The following SLC9C2 variants were observed in gnomAD, a reference collection of about 807,000 sequenced individuals.
SLC9C2 encodes the protein solute carrier family 9 member C2 (putative).
A neutral mutation model predicts 140.2 loss-of-function variants in SLC9C2; 75 were observed. The ratio of observed to expected loss-of-function variants is 0.53; its 90% CI spans 0.44 to 0.65. The LOEUF (loss-of-function observed/expected upper bound fraction) is 0.65, where lower values mean the gene tolerates loss of function less well. Among genes scored for constraint, SLC9C2 ranks in the 30% least tolerant of loss-of-function variants. The probability of loss-of-function intolerance (pLI) is 0.00; values close to 1 mark genes in which losing one functional copy is unlikely to be tolerated. For synonymous variants in SLC9C2, 375 were observed against 420.9 expected, an observed-to-expected ratio of 0.89 and a Z score of 1.34; for missense variants, 1,074 against 1,331.8, an observed-to-expected ratio of 0.81 and a Z score of 3.01.
At chr1:173,540,860 G>T (rs1374000843) in intron 13 of SLC9C2, among the ~76,000 whole-genome samples, 3 of 152,070 alleles carry the variant, frequency 2.0e-5, no homozygotes, top group Non-Finnish European at 4.4e-5. Context: ...CTCGTCTATG[G>T]TTTCTACAGC....
At chr1:173,553,498 C>G (rs1663462661) in intron 11 of SLC9C2, among the ~76,000 whole-genome samples, 1 of 152,238 alleles carries the variant, frequency 6.6e-6, no homozygotes, top group African/African-American at 2.4e-5. Context: ...GCTGCCCAAT[C>G]TTCAGCAACC....
rs1665687761 is a variant in SLC9C2, at chr1:173,583,681, C to T, written c.524-59G>A. 3.4e-6 allele frequency: 3 copies of T among 880,686 alleles called. No homozygotes were observed. In the South Asian group the frequency reaches 6.4e-5, roughly 19 times the overall value. 54.6% of individuals were successfully genotyped at this position (880,686 alleles called of 1,614,324 possible). Reference sequence around the variant, plus strand: ...GCTACATGAAAATAATGTTCTTGCACAGGAAGCAGAAACAGAAGAGAAAGA... The same window carrying T: ...GCTACATGAAAATAATGTTCTTGCATAGGAAGCAGAAACAGAAGAGAAAGA... On this transcript the variant is annotated intron_variant, in intron 5 of 27. Coordinates refer to ENST00000367714, the MANE Select transcript of SLC9C2 (RefSeq NM_178527.4).
rs746508132 is a variant in SLC9C2, at chr1:173,533,704, A to G, written c.2068T>C (p.Tyr690His). 6.2e-7 allele frequency: 1 copy of G among 1,611,334 alleles called. No individual in the cohort carries two copies. The highest frequency in any genetic ancestry group is 1.1e-5 in the South Asian group (1 of 91,004). ...VIGIIDIFCV[Y>H]FVKLRPDNLA... ...TTGTCTGGTCTCAATTTCACAAAGTATACACAAAAGATATCAATGATTCCA... is the reference window on the plus strand; with the variant it reads ...TTGTCTGGTCTCAATTTCACAAAGTGTACACAAAAGATATCAATGATTCCA... The change falls in exon 17 of 28, where the codon TAC becomes CAC. Residue 690 changes from tyrosine to histidine, a missense_variant. Coordinates refer to ENST00000367714, the MANE Select transcript of SLC9C2 (RefSeq NM_178527.4).
At position 173,500,484 on chromosome 1, in the gene SLC9C2, C is replaced by G. The variant is rs1413208193; in HGVS notation, c.*610G>C. On this transcript the variant is annotated 3_prime_UTR_variant, in exon 28 of 28. Coordinates refer to ENST00000367714, the MANE Select transcript of SLC9C2 (RefSeq NM_178527.4). ...ATAAATAGACAACCATAAAACTCAACTTTATTTGATTTTTAAAAATAAAAT... is the reference window on the plus strand; with the variant it reads ...ATAAATAGACAACCATAAAACTCAAGTTTATTTGATTTTTAAAAATAAAAT... 1 of 152,148 alleles carries G rather than the reference C, an allele frequency of 6.6e-6. No individual in the cohort carries two copies. Among genetic ancestry groups the G allele is most frequent in the East Asian group, 1.9e-4 (1 of 5,200 alleles). 9.4% of individuals were successfully genotyped at this position (152,148 alleles called of 1,614,324 possible).
intron 13 of SLC9C2, 25 bp from the exon 14 acceptor site, chr1:173,537,064 AC>A (rs1271800332): frequency 6.4e-7 from 1 of 1,557,320 alleles, no homozygotes; most frequent in Admixed American, 1.7e-5. Context: ...AATGAAGATT[AC>A]AAAAGATCAA....
intron 26 of SLC9C2, among the ~76,000 whole-genome samples, chr1:173,504,041 A>T (rs982312899): frequency 1.3e-5 from 2 of 152,206 alleles, no homozygotes; most frequent in African/African-American, 4.8e-5. Context: ...GGCTGACGCT[A>T]GACCCTGAGT....
chr1:173,544,002 A>G (rs2102039356), intron 13 of SLC9C2, among the ~76,000 whole-genome samples: 1 of 152,366 alleles, frequency 6.6e-6, no homozygotes, highest in South Asian at 2.1e-4. Context: ...CAAAATTGAC[A>G]AATGGGATCT....
chr1:173,570,902 G>A (rs1664801964), intron 9 of SLC9C2, among the ~76,000 whole-genome samples: 1 of 151,620 alleles, frequency 6.6e-6, no homozygotes, highest in African/African-American at 2.4e-5. Context: ...CTGCTTTGTG[G>A]TGGGGAGGAC....
At chr1:173,567,206 G>A (rs1386298348) in intron 9 of SLC9C2, among the ~76,000 whole-genome samples, 4 of 152,086 alleles carry the variant, frequency 2.6e-5, no homozygotes, top group Non-Finnish European at 5.9e-5. Flanking sequence ...TGCAAATTAA[G>A]TCCAATGTTT....
intron 3 of SLC9C2, 149 bp from the exon 4 acceptor site, chr1:173,598,181 G>A (rs1362435990): frequency 3.8e-6 from 3 of 790,130 alleles, no homozygotes; most frequent in Non-Finnish European, 5.7e-6. Context: ...TAAGGGTCCT[G>A]TGGTAGATTT....
chr1:173,550,075 T>C (rs1323419932), intron 11 of SLC9C2, among the ~76,000 whole-genome samples: 1 of 152,206 alleles, frequency 6.6e-6, no homozygotes. Context: ...TGTGAGCTTT[T>C]GCCAATCCAA....
rs531746332 is a variant in SLC9C2, at chr1:173,535,615, G to A, written c.1775+215C>T. ...ATTAAAACTTGAAGGATCCAAATATGAACATCCTTTTTCCCTTCCTGACTA... is the reference window on the plus strand; with the variant it reads ...ATTAAAACTTGAAGGATCCAAATATAAACATCCTTTTTCCCTTCCTGACTA... On this transcript the variant is annotated intron_variant, in intron 15 of 27. Coordinates refer to ENST00000367714, the MANE Select transcript of SLC9C2 (RefSeq NM_178527.4). Among the ~76,000 whole-genome samples, 510 of 152,214 alleles carry A rather than the reference G, an allele frequency of 3.4e-3. 1 individual carries two copies. Among genetic ancestry groups the A allele is most frequent in the Non-Finnish European group, 5.2e-3 (357 of 68,016 alleles).
intron 7 of SLC9C2, among the ~76,000 whole-genome samples, chr1:173,578,930 G>A (rs1665350521): frequency 6.6e-6 from 1 of 152,218 alleles, no homozygotes; most frequent in Non-Finnish European, 1.5e-5. Context: ...CTGGAATGTA[G>A]GACTTCAACG....
chr1:173,539,646 T>G (rs301696), intron 13 of SLC9C2, among the ~76,000 whole-genome samples: 2 of 151,994 alleles, frequency 1.3e-5, no homozygotes, highest in African/African-American at 4.8e-5. Flanking sequence ...AAATCATGAG[T>G]GTAGCTGGGA....
At chr1:173,552,280 T>C (rs904252342) in intron 11 of SLC9C2, among the ~76,000 whole-genome samples, 1 of 152,198 alleles carries the variant, frequency 6.6e-6, no homozygotes, top group African/African-American at 2.4e-5. Flanking sequence ...AGTGCTGATG[T>C]AGAAGCTGCA....
At chr1:173,502,931 A>T (rs150077658) in intron 27 of SLC9C2, among the ~76,000 whole-genome samples, 3 of 152,204 alleles carry the variant, frequency 2.0e-5, no homozygotes, top group Non-Finnish European at 4.4e-5. Flanking sequence ...CTCCAGAGGC[A>T]GAGCATGGAT....
At chr1:173,549,037 G>C (rs1403555992) in intron 11 of SLC9C2, among the ~76,000 whole-genome samples, 1 of 152,090 alleles carries the variant, frequency 6.6e-6, no homozygotes, top group Non-Finnish European at 1.5e-5. Context: ...TAACATCTCT[G>C]TTTTCTGGCC....
At chr1:173,555,974 C>T (rs781423635) in intron 10 of SLC9C2, among the ~76,000 whole-genome samples, 2 of 152,186 alleles carry the variant, frequency 1.3e-5, no homozygotes, top group African/African-American at 2.4e-5. Context: ...TAAATAAATA[C>T]TGTACTCCTT....
intron 24 of SLC9C2, among the ~76,000 whole-genome samples, chr1:173,507,402 G>A (rs1315898748): frequency 6.6e-6 from 1 of 152,040 alleles, no homozygotes; most frequent in Non-Finnish European, 1.5e-5. Flanking sequence ...CAGGTGAATA[G>A]GAATAACACA....
Sources: allele counts gnomAD v4.1 joint callset (sites outside exome capture counted in the v4.1 genomes callset), GRCh38; gene constraint gnomAD v4.1.1; transcripts MANE v1.5; gene names NCBI Gene and HGNC (gene_info 2026-07-23, HGNC 2026-07-21).